The following HADHB variants were observed in gnomAD, a reference collection of about 807,000 sequenced individuals.
HADHB encodes trifunctional enzyme subunit beta, mitochondrial.
A neutral mutation model predicts 61.9 loss-of-function variants in HADHB; 50 were observed. That is an observed-to-expected ratio of 0.81 (90% CI 0.64 to 1.02). The LOEUF (loss-of-function observed/expected upper bound fraction) is 1.02. HADHB is among the 50% of genes least tolerant of loss of function. The pLI is 0.00. For missense variants in HADHB, 504 were observed against 586.5 expected (o/e 0.86, Z 1.45); for synonymous variants, 191 against 201.6 (o/e 0.95, Z 0.45).
intron 8 of HADHB, 83 bp downstream of exon 8, chr2:26,278,884 G>C: frequency 8.5e-7 from 1 of 1,170,970 alleles, no homozygotes; most frequent in Non-Finnish European, 1.3e-6. Context: ...GCTGTAATAG[G>C]TGTAGATTCT....
At chr2:26,276,929 G>T in intron 6 of HADHB, 144 bp from the exon 7 acceptor site, 1 of 648,774 alleles carries the variant, frequency 1.5e-6, no homozygotes, top group East Asian at 2.8e-5. Context: ...TTTCTGTGAT[G>T]GACTTCATTT....
chr2:26,250,959 G>T (rs1202612340), intron 1 of HADHB, among the ~76,000 whole-genome samples: 1 of 150,638 alleles, frequency 6.6e-6, no homozygotes, highest in Non-Finnish European at 1.5e-5. Flanking sequence ...TTGTGCTTTC[G>T]CTGTGAGCTG....
chr2:26,277,084 A>T lies in HADHB; in HGVS notation c.366A>T (p.Gly122=), dbSNP rs1197494041. The T allele has an allele frequency of 6.3e-7, 1 of 1,586,990 alleles. No individual in the cohort carries two copies. The highest frequency in any genetic ancestry group is 1.7e-5 in the Admixed American group (1 of 59,968). The part of the protein sequence containing the change: ...TSNVAREAAL[G]AGFSDKTPAH... ...TCTATTTCCTAAAGGCTGCCCTTGG[A>T]GCTGGCTTCTCTGACAAGACTCCTG... The change falls in exon 7 of 16, where the codon GGA becomes GGT. Residue 122 remains glycine, a synonymous_variant. Transcript: ENST00000317799.
Position 26,278,501 on chromosome 2 carries a change from A to G in HADHB, c.443-113A>G. 7 of 897,288 alleles carry G rather than the reference A, an allele frequency of 7.8e-6. No individual in the cohort carries two copies. The South Asian group carries it at 8.3e-5, about 11-fold the overall frequency. 55.6% of individuals were successfully genotyped at this position (897,288 alleles called of 1,614,324 possible). A position where few individuals can be genotyped will look rare whatever the true frequency, so the allele number is the denominator to read the frequency against. ...GAAAAGTTGAAAACTTTAATTACAG[A>G]TGTTGTACAAAGCTGATAACTGTCA... On this transcript the variant is annotated intron_variant, in intron 7 of 15. Coordinates refer to ENST00000317799, the MANE Select transcript of HADHB (RefSeq NM_000183.3).
At position 26,278,698 on chromosome 2, in the gene HADHB, C is replaced by G. The variant is rs951478194; in HGVS notation, c.527C>G (p.Ser176Ter). ...ELMSDVPIRH[S>*]RKMRKLMLDL... ...ATGTCCGATGTCCCTATTCGTCACT[C>G]AAGGAAAATGAGAAAACTGATGCTT... The change falls in exon 8 of 16, where the codon TCA becomes TGA. Residue 176 changes from serine to a stop codon, truncating the protein, a stop_gained. Transcript: ENST00000317799. LOFTEE classifies it high-confidence loss of function. 1 of 1,613,932 alleles carries G rather than the reference C, an allele frequency of 6.2e-7. No homozygotes were observed. Among genetic ancestry groups the G allele is most frequent in the Non-Finnish European group, 8.5e-7 (1 of 1,179,842 alleles).
chr2:26,275,949 C>G (rs886268369), intron 6 of HADHB, among the ~76,000 whole-genome samples: 1 of 152,026 alleles, frequency 6.6e-6, no homozygotes, highest in Non-Finnish European at 1.5e-5. Flanking sequence ...GGAAAGAATA[C>G]TAAAAATGAA....
rs1048447556 is a variant in HADHB at position 26,263,426 on chromosome 2, G to A, written c.156G>A (p.Arg52=). 6.2e-7 allele frequency: 1 copy of A among 1,613,528 alleles called. No individual in the cohort carries two copies. Among genetic ancestry groups the A allele is most frequent in the Non-Finnish European group, 8.5e-7 (1 of 1,179,498 alleles). The change falls in exon 4 of 16, where the codon AGG becomes AGA. Residue 52 remains arginine, a synonymous_variant. Coordinates refer to ENST00000317799, the MANE Select transcript of HADHB (RefSeq NM_000183.3). ...TKKTLAKPNI[R]NVVVVDGVRT... Reference sequence around the variant, plus strand: ...AGACGTTAGCCAAACCCAATATAAGGAATGTTGTGGTGGTGGATGGTGTTC... The same window carrying A: ...AGACGTTAGCCAAACCCAATATAAGAAATGTTGTGGTGGTGGATGGTGTTC...
intron 4 of HADHB, among the ~76,000 whole-genome samples, chr2:26,267,929 C>T (rs1392147579): frequency 6.6e-6 from 1 of 151,986 alleles, no homozygotes; most frequent in East Asian, 1.9e-4. Flanking sequence ...TGCTTGAGGC[C>T]AGGAGTTCGA....
intron 6 of HADHB, 43 bp from the exon 7 acceptor site, chr2:26,277,030 C>T (rs780626730): frequency 2.1e-6 from 2 of 939,674 alleles, no homozygotes; most frequent in East Asian, 2.4e-5. Flanking sequence ...TACATGATGC[C>T]CTTCCCTTAT....
chr2:26,270,670 C>A (rs146624814), intron 5 of HADHB, among the ~76,000 whole-genome samples: 1 of 151,946 alleles, frequency 6.6e-6, no homozygotes, highest in East Asian at 1.9e-4. Flanking sequence ...TCCATTTTCC[C>A]TTTGTTTTAC....
At chr2:26,248,651 CTATT>C (rs1338714606) in intron 1 of HADHB, among the ~76,000 whole-genome samples, 8 of 152,144 alleles carry the variant, frequency 5.3e-5, no homozygotes, top group Non-Finnish European at 1.0e-4. Context: ...ATGGAAGTGC[CTATT>C]TAGTTAGATG....
intron 9 of HADHB, 95 bp downstream of exon 9, chr2:26,279,410 TTC>T: frequency 3.4e-6 from 3 of 892,912 alleles, no homozygotes; most frequent in Non-Finnish European, 5.6e-6. Flanking sequence ...AGTATGTTGG[TTC>T]TGTTTCCAAA....
intron 3 of HADHB, chr2:26,261,219 C>CA: frequency 2.1e-6 from 1 of 476,038 alleles, no homozygotes; most frequent in Non-Finnish European, 3.7e-6. Flanking sequence ...AATACCCCCC[C>CA]CCCATCCAGA....
In HADHB at chr2:26,249,329, G is replaced by A. The variant is rs371111050; in HGVS notation, c.-9+4339G>A. On this transcript the variant is annotated intron_variant, in intron 1 of 15. Transcript: ENST00000317799. ...AGTTCGAGACCAGCCTGATCAACACGGTGAAATCCTGTCTCTACTAAAATA... is the reference window on the plus strand; with the variant it reads ...AGTTCGAGACCAGCCTGATCAACACAGTGAAATCCTGTCTCTACTAAAATA... 2.8e-4 allele frequency among the ~76,000 whole-genome samples: 42 copies of A among 151,932 alleles called. No individual in the cohort carries two copies. The East Asian group carries it at 5.1e-3, about 18-fold the overall frequency.
chr2:26,287,994 C>T (rs181161373), intron 15 of HADHB, among the ~76,000 whole-genome samples: 127 of 152,120 alleles, frequency 8.3e-4, no homozygotes, highest in Non-Finnish European at 1.5e-3. Context: ...GGGCTGGGTG[C>T]GGTAGCTTAT....
intron 3 of HADHB, among the ~76,000 whole-genome samples, chr2:26,255,571 C>A (rs1252840486): frequency 6.6e-6 from 1 of 151,808 alleles, no homozygotes; most frequent in Non-Finnish European, 1.5e-5. Flanking sequence ...CCTGTACTCT[C>A]TTCCAGCTCT....
intron 5 of HADHB, among the ~76,000 whole-genome samples, chr2:26,271,388 T>C (rs1471584572): frequency 1.3e-5 from 2 of 152,032 alleles, no homozygotes; most frequent in Non-Finnish European, 2.9e-5. Context: ...ATGCCTGTAA[T>C]GCCAGCTACT....
At chr2:26,289,175 G>A (rs1411814021) in intron 15 of HADHB, among the ~76,000 whole-genome samples, 7 of 152,160 alleles carry the variant, frequency 4.6e-5, no homozygotes, top group South Asian at 2.1e-4. Context: ...GCGTGAACCC[G>A]GGAGGCGGAG....
intron 1 of HADHB, among the ~76,000 whole-genome samples, chr2:26,254,006 G>A (rs2147800470): frequency 6.6e-6 from 1 of 152,120 alleles, no homozygotes; most frequent in South Asian, 2.1e-4. Flanking sequence ...TAATAATCAT[G>A]CCTCCTTTGT....
Sources: gnomAD v4.1 joint callset for allele counts (sites outside exome capture counted in the v4.1 genomes callset) on GRCh38, gnomAD v4.1.1 for gene constraint, MANE v1.5 for transcripts, NCBI Gene and HGNC (gene_info 2026-07-23, HGNC 2026-07-21) for gene names.